Variants in POLR3A observed in about 807,000 individuals in gnomAD.
POLR3A encodes the protein RNA polymerase III subunit A.
POLR3A carries 112 observed loss-of-function variants against 152.8 expected under a neutral mutation model. The observed-to-expected ratio is 0.73, with a 90% CI of 0.63 to 0.86. The LOEUF is 0.86. POLR3A is among the 40% of genes least tolerant of loss of function. The pLI, the probability that POLR3A is intolerant of heterozygous loss-of-function variation, is 0.00. For synonymous variants in POLR3A, 615 were observed against 652.1 expected, an observed-to-expected ratio of 0.94 and a Z score of 0.87; for missense variants, 1,385 against 1,743.1, an observed-to-expected ratio of 0.79 and a Z score of 3.66.
chr10:78,000,208 T>C (rs1269254463), intron 18 of POLR3A, 90 bp from the exon 19 acceptor site: 7 of 1,126,934 alleles, frequency 6.2e-6, no homozygotes, highest in Non-Finnish European at 9.2e-6. Context: ...ATGCCCCACC[T>C]TGAGACTATA....
chr10:78,007,539 T>C (rs1013498587), intron 15 of POLR3A, among the ~76,000 whole-genome samples, 163 bp downstream of exon 15: 1 of 152,188 alleles, frequency 6.6e-6, no homozygotes, highest in African/African-American at 2.4e-5. Context: ...ACTGAGTTAA[T>C]TTAATTAATA....
intron 17 of POLR3A, 58 bp from the exon 18 acceptor site, chr10:78,001,152 G>A (rs1847353432): frequency 6.4e-6 from 6 of 930,944 alleles, no homozygotes; most frequent in African/African-American, 1.6e-5. Flanking sequence ...TAATTGAAGT[G>A]CATGCAGATT....
At chr10:78,000,347 C>G (rs1847345306) in intron 18 of POLR3A, among the ~76,000 whole-genome samples, 1 of 152,168 alleles carries the variant, frequency 6.6e-6, no homozygotes, top group African/African-American at 2.4e-5. Context: ...CAGTGGCAGG[C>G]AAGTGGCCCA....
At chr10:77,980,449 G>A (rs888912696) in intron 29 of POLR3A, among the ~76,000 whole-genome samples, 176 bp from the exon 30 acceptor site, 2 of 152,152 alleles carry the variant, frequency 1.3e-5, no homozygotes, top group African/African-American at 4.8e-5. Context: ...GTGGTCAATC[G>A]TCGGCAACAT....
rs149701700 is a variant in POLR3A at position 77,985,106 on chromosome 10, G to A, written c.3242+64C>T. On this transcript the variant is annotated intron_variant, in intron 24 of 30. Coordinates refer to ENST00000372371, the MANE Select transcript of POLR3A (RefSeq NM_007055.4). The stretch of plus-strand genomic sequence containing the variant: ...ATCACACATATGCATGTGACACGGG[G>A]ATCATTGTTTCTCAGGAAACAGGAC... 1.4e-3 allele frequency: 1,813 copies of A among 1,311,242 alleles called. 16 individuals are homozygous for A. The African/African-American group carries it at 0.02, about 15-fold the overall frequency. The allele number at this position is 1,311,242 out of a possible 1,614,324, so 81.2% of individuals were successfully genotyped here.
chr10:78,006,653 T>C (rs974579396), intron 15 of POLR3A, among the ~76,000 whole-genome samples: 1 of 151,466 alleles, frequency 6.6e-6, no homozygotes, highest in African/African-American at 2.4e-5. Flanking sequence ...AGAGAGAAAA[T>C]TATTAAAGAA....
intron 10 of POLR3A, among the ~76,000 whole-genome samples, chr10:78,014,759 T>A (rs1459566072): frequency 6.6e-6 from 1 of 152,122 alleles, no homozygotes; most frequent in East Asian, 1.9e-4. Context: ...AGGAGAGCAC[T>A]AAGTTCTTAC....
At chr10:78,023,157 T>TAA (rs879560488) in intron 5 of POLR3A, among the ~76,000 whole-genome samples, 1 of 132,728 alleles carries the variant, frequency 7.5e-6, no homozygotes. Flanking sequence ...AAATTCCATC[T>TAA]AAAAAAAAAA....
rs1847209869 is a variant in POLR3A at position 77,987,595 on chromosome 10, G to T, written c.2902-1436C>A. On this transcript the variant is annotated intron_variant, in intron 21 of 30. Transcript: ENST00000372371. The stretch of plus-strand genomic sequence containing the variant: ...TACATGGCTGAAAATGCCTAAGCCT[G>T]AACCAGGAGCCCATTTCTGCAAAAA... Among the ~76,000 whole-genome samples the T allele has an allele frequency of 2.0e-5, 3 of 152,162 alleles. No homozygotes were observed. The South Asian group carries it at 6.2e-4, about 31-fold the overall frequency.
intron 10 of POLR3A, among the ~76,000 whole-genome samples, chr10:78,015,760 G>A (rs1847517729): frequency 6.6e-6 from 1 of 152,134 alleles, no homozygotes; most frequent in Non-Finnish European, 1.5e-5. Context: ...AGGCCCACGT[G>A]ATCCTTCTGC....
chr10:78,028,306 G>T (rs1847656776), intron 1 of POLR3A, among the ~76,000 whole-genome samples: 1 of 151,984 alleles, frequency 6.6e-6, no homozygotes, highest in African/African-American at 2.4e-5. Flanking sequence ...AAGCAGTTTG[G>T]TCTGCTTTCT....
At chr10:77,983,875 G>T in intron 26 of POLR3A, 45 bp downstream of exon 26, 1 of 1,195,608 alleles carries the variant, frequency 8.4e-7, no homozygotes, top group Non-Finnish European at 1.2e-6. Flanking sequence ...CCTATCTTGG[G>T]ACTAACAGGA....
chr10:77,977,287 T>C lies in POLR3A; in HGVS notation c.*191A>G. On this transcript the variant is annotated 3_prime_UTR_variant, in exon 31 of 31. Coordinates refer to ENST00000372371, the MANE Select transcript of POLR3A (RefSeq NM_007055.4). ...AGCTCTCCCGAGCAGCGTGGCACAGTCAGGGTCACTGGTGTGAGCTGCACC... is the reference window on the plus strand; with the variant it reads ...AGCTCTCCCGAGCAGCGTGGCACAGCCAGGGTCACTGGTGTGAGCTGCACC... 1.5e-6 allele frequency: 1 copy of C among 662,302 alleles called. No homozygotes were observed. 41.0% of individuals were successfully genotyped at this position (662,302 alleles called of 1,614,324 possible).
At position 77,993,233 on chromosome 10, in the gene POLR3A, T is replaced by C. The variant is rs1171129827; in HGVS notation, c.2751A>G (p.Glu917=). Residue 917 remains glutamate (E), a synonymous_variant, in exon 20 of 31, where the codon GAA becomes GAG. Coordinates refer to ENST00000372371, the MANE Select transcript of POLR3A (RefSeq NM_007055.4). ...CCAGAACCCTTTTAAACTCCAAAGGTTCATCTTTTCCCTCCATAGCTGCAG... is the reference window on the plus strand; with the variant it reads ...CCAGAACCCTTTTAAACTCCAAAGGCTCATCTTTTCCCTCCATAGCTGCAG... The part of the protein sequence containing the change: ...LDPAAMEGKD[E]PLEFKRVLDN... 1 of 1,613,884 alleles carries C rather than the reference T, an allele frequency of 6.2e-7. No individual in the cohort carries two copies.
At chr10:77,995,448 A>G (rs1377359146) in intron 19 of POLR3A, among the ~76,000 whole-genome samples, 1 of 152,232 alleles carries the variant, frequency 6.6e-6, no homozygotes, top group Non-Finnish European at 1.5e-5. Context: ...TAGGCTCAAA[A>G]TAAAGGGATG....
chr10:78,005,774 A>G (rs1847404931), intron 15 of POLR3A, among the ~76,000 whole-genome samples: 1 of 152,248 alleles, frequency 6.6e-6, no homozygotes, highest in South Asian at 2.1e-4. Flanking sequence ...GGAATCAGAG[A>G]GGCTCTGGGT....
intron 27 of POLR3A, 32 bp from the exon 28 acceptor site, chr10:77,982,350 C>A: frequency 1.9e-6 from 3 of 1,610,112 alleles, no homozygotes; most frequent in Non-Finnish European, 2.6e-6. Flanking sequence ...GCTGTGAGGA[C>A]GGGGTGAGCC....
chr10:77,983,589 T>C (rs1298751904), intron 26 of POLR3A, among the ~76,000 whole-genome samples: 3 of 152,140 alleles, frequency 2.0e-5, no homozygotes, highest in Admixed American at 1.3e-4. Context: ...GATCCACAGA[T>C]GAGTAAGACA....
Position 77,985,226 on chromosome 10 carries a change from G to A in POLR3A, c.3186C>T (p.Asn1062=), listed in dbSNP as rs375647710. ...TFHFAGVASM[N]ITLGVPRIKE... The stretch of plus-strand genomic sequence containing the variant: ...TAATCCGGGGCACGCCCAGGGTGAT[G>A]TTCATGGAGGCCACACCTGCAAAGT... The change falls in exon 24 of 31, where the codon AAC becomes AAT. Residue 1062 remains asparagine, a synonymous_variant. Transcript: ENST00000372371. 3.1e-6 allele frequency: 5 copies of A among 1,614,028 alleles called. No individual in the cohort carries two copies. Among genetic ancestry groups the A allele is most frequent in the African/African-American group, 2.7e-5 (2 of 74,944 alleles).
Sources: allele counts gnomAD v4.1 joint callset (sites outside exome capture counted in the v4.1 genomes callset), GRCh38; gene constraint gnomAD v4.1.1; transcripts MANE v1.5; gene names NCBI Gene and HGNC (gene_info 2026-07-23, HGNC 2026-07-21).